The following CEP63 variants were observed in gnomAD, a reference collection of about 807,000 sequenced individuals.
CEP63 encodes the protein centrosomal protein 63, also known as centrosomal protein of 63 kDa.
A neutral mutation model predicts 89.1 loss-of-function variants in CEP63; 84 were observed. The ratio of observed to expected loss-of-function variants is 0.94; its 90% CI spans 0.79 to 1.13. The LOEUF (loss-of-function observed/expected upper bound fraction) is 1.13. Among genes scored for constraint, CEP63 ranks in the 50% most tolerant of loss-of-function variants. CEP63 has a pLI of 0.00. For synonymous variants in CEP63, 267 were observed against 272.5 expected, an observed-to-expected ratio of 0.98 and a Z score of 0.20; for missense variants, 838 against 813.3, an observed-to-expected ratio of 1.03 and a Z score of -0.37.
chr3:134,703,596 C>T, the CEP63 span, among the ~76,000 whole-genome samples: 118 of 151,070 alleles, frequency 7.8e-4, 2 homozygotes, highest in African/African-American at 2.3e-3. Context: ...GACACATGGC[C>T]GGGGGGAACA....
chr3:134,645,817 G>C, the CEP63 span, among the ~76,000 whole-genome samples: 1 of 152,172 alleles, frequency 6.6e-6, no homozygotes, highest in Non-Finnish European at 1.5e-5. Context: ...TCTTTTACAA[G>C]AGTCTTATAA....
chr3:134,773,591 A>C, the CEP63 span, among the ~76,000 whole-genome samples: 1 of 152,182 alleles, frequency 6.6e-6, no homozygotes, highest in Admixed American at 6.5e-5. Flanking sequence ...CTCAGAATAA[A>C]GAGGACACAG....
the CEP63 span, among the ~76,000 whole-genome samples, chr3:134,664,621 C>T: frequency 6.6e-6 from 1 of 151,978 alleles, no homozygotes; most frequent in Non-Finnish European, 1.5e-5. Flanking sequence ...TTGCGTTTTC[C>T]TAGAACAGCC....
At chr3:134,671,075 A>C in the CEP63 span, among the ~76,000 whole-genome samples, 4 of 152,212 alleles carry the variant, frequency 2.6e-5, no homozygotes, top group Admixed American at 2.6e-4. Context: ...AGGGAGAAGA[A>C]GGCATTGGAG....
At chr3:134,763,856 T>C in the CEP63 span, among the ~76,000 whole-genome samples, 1 of 152,204 alleles carries the variant, frequency 6.6e-6, no homozygotes, top group African/African-American at 2.4e-5. Flanking sequence ...TCTGCCAGAA[T>C]TGAGAGTGAG....
chr3:134,707,408 G>A, the CEP63 span, among the ~76,000 whole-genome samples: 3 of 152,242 alleles, frequency 2.0e-5, no homozygotes, highest in Non-Finnish European at 4.4e-5. Context: ...GGGGCCAGAG[G>A]GCTACACAAT....
chr3:134,695,764 G>T, the CEP63 span, among the ~76,000 whole-genome samples: 1 of 152,224 alleles, frequency 6.6e-6, no homozygotes, highest in South Asian at 2.1e-4. Flanking sequence ...AGCACTGGAG[G>T]TAGGGCCAAG....
At chr3:134,528,176 A>G (rs1169097779) in intron 3 of CEP63, among the ~76,000 whole-genome samples, 1 of 152,092 alleles carries the variant, frequency 6.6e-6, no homozygotes. Flanking sequence ...TAGTCGCCTC[A>G]TGTATGGTTC....
At chr3:134,610,474 G>T in the CEP63 span, 2 of 1,087,888 alleles carry the variant, frequency 1.8e-6, no homozygotes, top group Non-Finnish European at 2.7e-6. Context: ...CATGTTTGCT[G>T]CCCATCAGTC....
intron 10 of CEP63, among the ~76,000 whole-genome samples, chr3:134,583,724 T>C (rs1271583202): frequency 1.3e-5 from 2 of 152,182 alleles, no homozygotes; most frequent in Non-Finnish European, 1.5e-5. Flanking sequence ...AAGAAAGTCA[T>C]TGGTAGCTTG....
intron 11 of CEP63, among the ~76,000 whole-genome samples, chr3:134,571,613 G>A (rs1237570110): frequency 2.6e-5 from 4 of 152,084 alleles, no homozygotes; most frequent in Non-Finnish European, 4.4e-5. Context: ...CCCAGGAGGC[G>A]GAGCTTGCAG....
At chr3:134,746,491 C>T in the CEP63 span, among the ~76,000 whole-genome samples, 7 of 152,288 alleles carry the variant, frequency 4.6e-5, no homozygotes, top group Non-Finnish European at 1.0e-4. Flanking sequence ...CTTGAGGAAT[C>T]GCCACACTGT....
chr3:134,547,370 C>T lies in CEP63; in HGVS notation c.965C>T (p.Thr322Ile), dbSNP rs776304831. 2 of 1,613,658 alleles carry T rather than the reference C, an allele frequency of 1.2e-6. No individual in the cohort carries two copies. Among genetic ancestry groups the T allele is most frequent in the Non-Finnish European group, 1.7e-6 (2 of 1,179,684 alleles). ...GAATCTCTGGCAGAAAAGAAGTACA[C>T]CTCTCAAGGGCAGGGGGACTTAGAC... ...REESLAEKKY[T>I]SQGQGDLDSV... is the part of the protein sequence containing the mutation. The change falls in exon 9 of 15, where the codon ACC (threonine) becomes ATC (isoleucine). Residue 322 changes from threonine (T) to isoleucine (I), a missense_variant. By Grantham distance (89) the Thr-to-Ile change is moderately conservative (BLOSUM62 -1). Transcript: ENST00000675561.
chr3:134,643,479 G>A, the CEP63 span: 25 of 920,294 alleles, frequency 2.7e-5, no homozygotes, highest in African/African-American at 3.6e-4. Flanking sequence ...GGCTGGCGGG[G>A]GCCAAGCACA....
At chr3:134,487,035 T>C (rs1459177231) in intron 1 of CEP63, among the ~76,000 whole-genome samples, 7 of 152,198 alleles carry the variant, frequency 4.6e-5, no homozygotes, top group South Asian at 2.1e-4. Context: ...TACGCTGATA[T>C]GCACAGAGTA....
At chr3:134,765,675 G>C in the CEP63 span, among the ~76,000 whole-genome samples, 1 of 152,224 alleles carries the variant, frequency 6.6e-6, no homozygotes, top group Non-Finnish European at 1.5e-5. Context: ...TACTTAGTGG[G>C]GAGAGAGTCT....
At chr3:134,777,785 T>C in the CEP63 span, among the ~76,000 whole-genome samples, 1 of 151,910 alleles carries the variant, frequency 6.6e-6, no homozygotes, top group East Asian at 1.9e-4. Flanking sequence ...GGCTATTTTT[T>C]GAATTTTTTT....
the CEP63 span, among the ~76,000 whole-genome samples, chr3:134,670,388 C>T: frequency 6.6e-6 from 1 of 152,142 alleles, no homozygotes; most frequent in East Asian, 1.9e-4. Context: ...TGAGGAAATG[C>T]TCTGGGGGAA....
intron 3 of CEP63, among the ~76,000 whole-genome samples, chr3:134,523,061 C>T (rs1021293340): frequency 7.2e-5 from 11 of 152,144 alleles, no homozygotes; most frequent in Admixed American, 3.9e-4. Context: ...TTGCCAGCAT[C>T]TGTTATATTT....
Sources: allele counts gnomAD v4.1 joint callset (sites outside exome capture counted in the v4.1 genomes callset), GRCh38; gene constraint gnomAD v4.1.1; transcripts MANE v1.5; gene names NCBI Gene and HGNC (gene_info 2026-07-23, HGNC 2026-07-21).